Variants in BCAS3 observed in about 807,000 individuals in gnomAD.
The protein encoded by BCAS3 is BCAS3 microtubule associated cell migration factor, also known as BCAS4/BCAS3 fusion.
In BCAS3, 53 loss-of-function variants were observed where a neutral mutation model predicts 116.1. The ratio of observed to expected loss-of-function variants is 0.46; its 90% CI spans 0.37 to 0.57. The LOEUF (loss-of-function observed/expected upper bound fraction) is 0.57, where lower values mean the gene tolerates loss of function less well. Ranked by LOEUF, BCAS3 falls within the 20% of genes least tolerant of loss-of-function variation. The pLI is 0.00. For synonymous variants in BCAS3, 391 were observed against 408.2 expected, an observed-to-expected ratio of 0.96 and a Z score of 0.51; for missense variants, 917 against 1,165.4, an observed-to-expected ratio of 0.79 and a Z score of 3.10.
At position 61,023,465 on chromosome 17, in the gene BCAS3, A is replaced by T. The variant is rs2066011305; in HGVS notation, c.1637+7564A>T. ...GCCACGTACTTCTTTAACTCTGGAG[A>T]TGATTGAACAGAATTGTTACTAATA... On this transcript the variant is annotated intron_variant, in intron 16 of 23. Transcript: ENST00000407086. This position sits in a 1 kb window ranked among gnomAD's most constrained non-coding sequence, Gnocchi z 4.8. Among the ~76,000 whole-genome samples the T allele has an allele frequency of 6.6e-6, 1 of 152,144 alleles. No individual in the cohort carries two copies. The highest frequency in any genetic ancestry group is 6.5e-5 in the Admixed American group (1 of 15,284).
chr17:60,876,475 TCTC>T (rs1332684252), intron 9 of BCAS3, among the ~76,000 whole-genome samples: 1 of 152,146 alleles, frequency 6.6e-6, no homozygotes, highest in East Asian at 1.9e-4. Context: ...TACAGAAACT[TCTC>T]CTTCTAAATC....
chr17:61,353,369 C>G (rs374887752), intron 22 of BCAS3, among the ~76,000 whole-genome samples: 1 of 152,152 alleles, frequency 6.6e-6, no homozygotes, highest in Non-Finnish European at 1.5e-5. Context: ...CAGCTGGTGA[C>G]GCCGGCGGTC....
chr17:60,714,042 G>A (rs1160998062), intron 5 of BCAS3, among the ~76,000 whole-genome samples: 1 of 152,042 alleles, frequency 6.6e-6, no homozygotes, highest in Non-Finnish European at 1.5e-5. Flanking sequence ...TCACCATGTT[G>A]GCCAGGCTGG....
In BCAS3 at chr17:61,128,166, G is replaced by C. The variant is rs1283434080; in HGVS notation, c.2425+43602G>C. The C allele has an allele frequency of 1.0e-6, 1 of 985,102 alleles. No homozygotes were observed. The highest frequency in any genetic ancestry group is 1.2e-6 in the Non-Finnish European group (1 of 829,802). 61.0% of individuals were successfully genotyped at this position (985,102 alleles called of 1,614,324 possible). A position where few individuals can be genotyped will look rare whatever the true frequency, so the allele number is the denominator to read the frequency against. On this transcript the variant is annotated intron_variant, in intron 22 of 23. Coordinates refer to ENST00000407086, the MANE Select transcript of BCAS3 (RefSeq NM_017679.5). This position sits in a 1 kb window ranked among gnomAD's most constrained non-coding sequence, Gnocchi z 4.1. ...ACTGTAAACCTGACAACTCAATCTGGTTTTCTTTTAGGAAGCCTTCCACCA... is the reference window on the plus strand; with the variant it reads ...ACTGTAAACCTGACAACTCAATCTGCTTTTCTTTTAGGAAGCCTTCCACCA...
At position 60,868,701 on chromosome 17, in the gene BCAS3, G is replaced by T; in HGVS notation, c.584+18G>T. ...AATAAACGGTAAGGATTTTTTCATG[G>T]GTTTCTTGTGTAAAATAAGAAACAT... On this transcript the variant is annotated intron_variant, in intron 8 of 23. Coordinates refer to ENST00000407086, the MANE Select transcript of BCAS3 (RefSeq NM_017679.5). 1 of 1,469,532 alleles carries T rather than the reference G, an allele frequency of 6.8e-7. No homozygotes were observed. Among genetic ancestry groups the T allele is most frequent in the Non-Finnish European group, 9.3e-7 (1 of 1,077,838 alleles). 91.0% of individuals were successfully genotyped at this position (1,469,532 alleles called of 1,614,324 possible). A position where few individuals can be genotyped will look rare whatever the true frequency, so the allele number is the denominator to read the frequency against.
chr17:60,845,229 C>CTAAA (rs1209520553), intron 7 of BCAS3, among the ~76,000 whole-genome samples: 1 of 152,180 alleles, frequency 6.6e-6, no homozygotes, highest in Non-Finnish European at 1.5e-5. Context: ...GACTCCGTCT[C>CTAAA]TAAATAAATA....
rs189641402 is a variant in BCAS3 at position 61,005,329 on chromosome 17, T to C, written c.1487-10422T>C. On this transcript the variant is annotated intron_variant, in intron 15 of 23. Transcript: ENST00000407086. ...AAACTGTTCCACAAATTGTTGATAA[T>C]TTAGGCAGCTAAATGGAGTATTGGT... 1.2e-3 allele frequency among the ~76,000 whole-genome samples: 176 copies of C among 152,208 alleles called. 1 individual carries two copies. Among genetic ancestry groups the C allele is most frequent in the African/African-American group, 3.6e-3 (149 of 41,550 alleles).
Position 61,316,087 on chromosome 17 carries a change from C to T in BCAS3, c.2426-52240C>T, listed in dbSNP as rs909605745. Reference sequence around the variant, plus strand: ...TGGGAAGTCGAGGCAGGTGGATCACCTGAGGTCAGGAGTTCGAAACCAGCC... The same window carrying T: ...TGGGAAGTCGAGGCAGGTGGATCACTTGAGGTCAGGAGTTCGAAACCAGCC... On this transcript the variant is annotated intron_variant, in intron 22 of 23. Transcript: ENST00000407086. This position sits in a 1 kb window ranked among gnomAD's most constrained non-coding sequence, Gnocchi z 5.8. Among the ~76,000 whole-genome samples, 1 of 152,116 alleles carries T rather than the reference C, an allele frequency of 6.6e-6. No homozygotes were observed. Among genetic ancestry groups the T allele is most frequent in the Non-Finnish European group, 1.5e-5 (1 of 68,016 alleles).
rs1413638847 is a variant in BCAS3, at chr17:60,961,390, G to C, written c.1221+14038G>C. 1.3e-5 allele frequency among the ~76,000 whole-genome samples: 2 copies of C among 152,070 alleles called. No individual in the cohort carries two copies. Among genetic ancestry groups the C allele is most frequent in the Admixed American group, 1.3e-4 (2 of 15,266 alleles). Reference sequence around the variant, plus strand: ...TAGGGCTGGCCAGAAGGAATGTCCAGGTGGAAACTGTCATGCAGGAGCTGC... The same window carrying C: ...TAGGGCTGGCCAGAAGGAATGTCCACGTGGAAACTGTCATGCAGGAGCTGC... On this transcript the variant is annotated intron_variant, in intron 14 of 23. Transcript: ENST00000407086. This position sits in a 1 kb window ranked among gnomAD's most constrained non-coding sequence, Gnocchi z 4.8.
At chr17:61,146,243 A>T (rs1453968273) in intron 22 of BCAS3, among the ~76,000 whole-genome samples, 1 of 149,722 alleles carries the variant, frequency 6.7e-6, no homozygotes, top group Non-Finnish European at 1.5e-5. Flanking sequence ...AGTAGCTGGG[A>T]TTACAGGTGT....
At position 61,076,234 on chromosome 17, in the gene BCAS3, T is replaced by C. The variant is rs563005369; in HGVS notation, c.2130+1214T>C. 5.3e-5 allele frequency among the ~76,000 whole-genome samples: 8 copies of C among 152,342 alleles called. No homozygotes were observed. The South Asian group carries it at 1.7e-3, about 32-fold the overall frequency. On this transcript the variant is annotated intron_variant, in intron 20 of 23. Transcript: ENST00000407086. ...ACATCATTTTATGAAGCTAATGACCTATCTCAGGTTACCAATCTGACAGCT... is the reference window on the plus strand; with the variant it reads ...ACATCATTTTATGAAGCTAATGACCCATCTCAGGTTACCAATCTGACAGCT...
At chr17:60,751,587 G>C (rs1441107535) in intron 6 of BCAS3, among the ~76,000 whole-genome samples, 1 of 148,276 alleles carries the variant, frequency 6.7e-6, no homozygotes, top group Non-Finnish European at 1.5e-5. Flanking sequence ...TTGTTGCCCA[G>C]GCTGGAGTGC....
At chr17:61,375,026 T>G (rs1173260319) in intron 23 of BCAS3, among the ~76,000 whole-genome samples, 1 of 152,230 alleles carries the variant, frequency 6.6e-6, no homozygotes, top group African/African-American at 2.4e-5. Context: ...CAACTAAAGC[T>G]CTTCCAAAGA....
intron 22 of BCAS3, among the ~76,000 whole-genome samples, chr17:61,275,879 C>A (rs1166191827): frequency 6.6e-6 from 1 of 152,126 alleles, no homozygotes; most frequent in Non-Finnish European, 1.5e-5. Context: ...TTATGATTAA[C>A]CCCAACTCAT....
At chr17:60,744,502 T>A (rs961828619) in intron 5 of BCAS3, among the ~76,000 whole-genome samples, 1 of 152,210 alleles carries the variant, frequency 6.6e-6, no homozygotes, top group East Asian at 1.9e-4. Flanking sequence ...TTAACTCTGT[T>A]TCTGTTCTGA....
rs563923303 is a variant in BCAS3, at chr17:61,233,982, T to G, written c.2426-134345T>G. Among the ~76,000 whole-genome samples, 443 of 152,084 alleles carry G rather than the reference T, an allele frequency of 2.9e-3. 4 individuals carry two copies. Among genetic ancestry groups the G allele is most frequent in the African/African-American group, 0.01 (417 of 41,506 alleles). On this transcript the variant is annotated intron_variant, in intron 22 of 23. Transcript: ENST00000407086. This position sits in a 1 kb window ranked among gnomAD's most constrained non-coding sequence, Gnocchi z 4.3. Reference sequence around the variant, plus strand: ...AGTATTACTAATATCAGGTTTGGTTTTTTTTTTTTTCACTTAGTACCCACA... The same window carrying G: ...AGTATTACTAATATCAGGTTTGGTTGTTTTTTTTTTCACTTAGTACCCACA...
At chr17:60,837,634 A>G (rs2051477323) in intron 7 of BCAS3, among the ~76,000 whole-genome samples, 1 of 151,796 alleles carries the variant, frequency 6.6e-6, no homozygotes, top group Non-Finnish European at 1.5e-5. Flanking sequence ...TAAAATTGTA[A>G]GCAAATATTT....
intron 5 of BCAS3, among the ~76,000 whole-genome samples, chr17:60,715,291 ACT>A (rs1298507261): frequency 1.3e-5 from 2 of 149,788 alleles, no homozygotes. Flanking sequence ...GCGCCACCAC[ACT>A]CGGCTAATTG....
rs1463187936 is a variant in BCAS3, at chr17:61,258,348, C to G, written c.2426-109979C>G. ...TTACTTCGTGCCTTTAGATATCCAC[C>G]ATAATGTGTAGCGTAGTTCCTAGGA... is the stretch of plus-strand genomic sequence containing the variant. On this transcript the variant is annotated intron_variant, in intron 22 of 23. Transcript: ENST00000407086. This position sits in a 1 kb window ranked among gnomAD's most constrained non-coding sequence, Gnocchi z 4.7. Among the ~76,000 whole-genome samples, 1 of 152,114 alleles carries G rather than the reference C, an allele frequency of 6.6e-6. No individual in the cohort carries two copies. Among genetic ancestry groups the G allele is most frequent in the Non-Finnish European group, 1.5e-5 (1 of 68,028 alleles).
Sources: allele counts gnomAD v4.1 joint callset (sites outside exome capture counted in the v4.1 genomes callset), GRCh38; gene constraint gnomAD v4.1.1; non-coding constraint Gnocchi (gnomAD v3.1); transcripts MANE v1.5; gene names NCBI Gene and HGNC (gene_info 2026-07-23, HGNC 2026-07-21).